LHFPL2: variants seen among roughly 807,000 people sequenced by gnomAD.
LHFPL2 encodes LHFPL tetraspan subfamily member 2 protein.
In LHFPL2, 7 loss-of-function variants were observed where a neutral mutation model predicts 17.5. That is an observed-to-expected ratio of 0.40 (90% CI 0.23 to 0.75). The LOEUF is 0.75. Ranked by LOEUF, LHFPL2 falls within the 30% of genes least tolerant of loss-of-function variation. LHFPL2 has a pLI of 0.37. For synonymous variants in LHFPL2, 134 were observed against 116.2 expected (o/e 1.15, Z -0.99); for missense variants, 241 against 294.8 (o/e 0.82, Z 1.34).
At chr5:78,559,673 C>G (rs750169181) in intron 3 of LHFPL2, among the ~76,000 whole-genome samples, 48 of 152,274 alleles carry the variant, frequency 3.2e-4, no homozygotes, top group Non-Finnish European at 4.1e-4. Context: ...CTCCCAGGAC[C>G]CTATATTTGG....
rs565572597 is a variant in LHFPL2, at chr5:78,594,774, G to C, written c.-244-29903C>G. Among the ~76,000 whole-genome samples the C allele has an allele frequency of 1.1e-4, 17 of 152,310 alleles. No individual in the cohort carries two copies. The East Asian group carries it at 3.1e-3, about 28-fold the overall frequency. On this transcript the variant is annotated intron_variant, in intron 2 of 4. Transcript: ENST00000380345. ...GCAAAAGTTGAAGGTAAAAAAACTT[G>C]ACATTTTATAATAGTCTTTGTTTGA...
intron 3 of LHFPL2, among the ~76,000 whole-genome samples, chr5:78,557,510 G>A (rs1404601516): frequency 6.6e-6 from 1 of 152,188 alleles, no homozygotes; most frequent in Non-Finnish European, 1.5e-5. Context: ...GAAGCAAGGA[G>A]GCAGAATGTG....
At chr5:78,517,650 C>T (rs980813630) in intron 3 of LHFPL2, among the ~76,000 whole-genome samples, 3 of 152,142 alleles carry the variant, frequency 2.0e-5, no homozygotes, top group African/African-American at 7.2e-5. Flanking sequence ...ACCATCAGAT[C>T]TCGTGAGACT....
intron 3 of LHFPL2, among the ~76,000 whole-genome samples, chr5:78,547,838 G>C (rs928326005): frequency 6.6e-5 from 10 of 152,248 alleles, no homozygotes; most frequent in Non-Finnish European, 1.5e-4. Flanking sequence ...AGGTACAGGG[G>C]GCCTGTTCAG....
intron 2 of LHFPL2, among the ~76,000 whole-genome samples, chr5:78,618,820 A>G (rs917410284): frequency 6.6e-6 from 1 of 152,234 alleles, no homozygotes; most frequent in African/African-American, 2.4e-5. Context: ...AGACTTGAAC[A>G]TACACATTGA....
Position 78,502,770 on chromosome 5 carries a change from C to A in LHFPL2, c.430+7014G>T, listed in dbSNP as rs1754811743. Among the ~76,000 whole-genome samples the A allele has an allele frequency of 2.0e-5, 3 of 152,164 alleles. No homozygotes were observed. In the South Asian group the frequency reaches 6.2e-4, roughly 31 times the overall value. On this transcript the variant is annotated intron_variant, in intron 4 of 4. Transcript: ENST00000380345. ...TCTTGCCTGCTGAGGTCTTTGGGTG[C>A]AGATAATGTTAAATAATTCCTACTA... is the stretch of plus-strand genomic sequence containing the variant.
chr5:78,535,972 A>G (rs1939044522), intron 3 of LHFPL2, among the ~76,000 whole-genome samples: 1 of 152,188 alleles, frequency 6.6e-6, no homozygotes, highest in Non-Finnish European at 1.5e-5. Context: ...CCATGGGGAC[A>G]TGGGAGTCAC....
At position 78,486,236 on chromosome 5, in the gene LHFPL2, A is replaced by G. The variant is rs1271220460; in HGVS notation, c.*2661T>C. The G allele has an allele frequency of 6.6e-6, 1 of 152,604 alleles. No individual in the cohort carries two copies. The highest frequency in any genetic ancestry group is 2.4e-5 in the African/African-American group (1 of 41,464). 9.5% of individuals were successfully genotyped at this position (152,604 alleles called of 1,614,324 possible). On this transcript the variant is annotated 3_prime_UTR_variant, in exon 5 of 5. Coordinates refer to ENST00000380345, the MANE Select transcript of LHFPL2 (RefSeq NM_005779.3). ...GCAACATTGTTTGAATTATTAGCAC[A>G]CAGGTTTAAAGAATCCACAGAATCC... is the stretch of plus-strand genomic sequence containing the variant.
At chr5:78,614,406 C>G (rs1453102074) in intron 2 of LHFPL2, among the ~76,000 whole-genome samples, 2 of 152,172 alleles carry the variant, frequency 1.3e-5, no homozygotes, top group East Asian at 3.9e-4. Flanking sequence ...TACAATGAGC[C>G]TCTGGGTAAA....
intron 2 of LHFPL2, among the ~76,000 whole-genome samples, chr5:78,575,271 A>G (rs1299627633): frequency 6.6e-6 from 1 of 152,244 alleles, no homozygotes. Flanking sequence ...ATGGAGGGCC[A>G]GGCACAGTGG....
intron 2 of LHFPL2, among the ~76,000 whole-genome samples, chr5:78,588,035 T>C (rs1442126299): frequency 2.0e-5 from 3 of 152,180 alleles, no homozygotes; most frequent in African/African-American, 7.2e-5. Context: ...GCCAAGAAAA[T>C]AGATGCATTG....
intron 3 of LHFPL2, among the ~76,000 whole-genome samples, chr5:78,554,677 TA>T (rs1486035934): frequency 6.6e-6 from 1 of 152,182 alleles, no homozygotes; most frequent in Admixed American, 6.5e-5. Context: ...TTTCAGCAAA[TA>T]AAACACTGCC....
At chr5:78,525,863 T>A (rs1212217601) in intron 3 of LHFPL2, among the ~76,000 whole-genome samples, 1 of 152,200 alleles carries the variant, frequency 6.6e-6, no homozygotes, top group Admixed American at 6.5e-5. Flanking sequence ...ACAGTTGTGA[T>A]GGAGCTAAGA....
At chr5:78,605,617 A>C (rs746707488) in intron 2 of LHFPL2, among the ~76,000 whole-genome samples, 7 of 152,218 alleles carry the variant, frequency 4.6e-5, no homozygotes, top group Non-Finnish European at 8.8e-5. Context: ...ATCAAAGATA[A>C]GGCAGTACCT....
intron 4 of LHFPL2, among the ~76,000 whole-genome samples, chr5:78,496,312 T>C (rs1754605173): frequency 6.6e-6 from 1 of 152,196 alleles, no homozygotes; most frequent in African/African-American, 2.4e-5. Flanking sequence ...CATTGCAACT[T>C]TGCCTTAACA....
rs945148961 is a variant in LHFPL2 at position 78,509,865 on chromosome 5, C to T, written c.349G>A (p.Val117Met). ...GIFILCMVAL[V>M]SVFTMCVQSI... ...TGTACACACATGGTGAAGACGGACACCAAGGCCACCATGCAGAGAATAAAG... is the reference window on the plus strand; with the variant it reads ...TGTACACACATGGTGAAGACGGACATCAAGGCCACCATGCAGAGAATAAAG... The change falls in exon 4 of 5, where the codon GTG becomes ATG. Residue 117 changes from valine (V) to methionine (M), a missense_variant. Coordinates refer to ENST00000380345, the MANE Select transcript of LHFPL2 (RefSeq NM_005779.3). The T allele has an allele frequency of 1.7e-5, 28 of 1,613,870 alleles. 1 individual carries two copies. The highest frequency in any genetic ancestry group is 5.9e-6 in the Non-Finnish European group (7 of 1,180,050).
chr5:78,637,082 C>G (rs969938657), intron 1 of LHFPL2, among the ~76,000 whole-genome samples: 1 of 152,062 alleles, frequency 6.6e-6, no homozygotes, highest in Non-Finnish European at 1.5e-5. Context: ...TAAGAACCAC[C>G]TAGAAGCTTT....
intron 2 of LHFPL2, among the ~76,000 whole-genome samples, chr5:78,588,896 C>G (rs1446084206): frequency 2.6e-5 from 4 of 152,150 alleles, no homozygotes; most frequent in African/African-American, 9.7e-5. Context: ...TTCATCAGCC[C>G]CTTTCAAAAT....
At chr5:78,620,983 T>C in intron 2 of LHFPL2, among the ~76,000 whole-genome samples, 1 of 151,800 alleles carries the variant, frequency 6.6e-6, no homozygotes, top group East Asian at 1.9e-4. Flanking sequence ...TTTTTTTTTT[T>C]TGGAGATGGA....
Sources: gnomAD v4.1 joint callset for allele counts (sites outside exome capture counted in the v4.1 genomes callset) on GRCh38, gnomAD v4.1.1 for gene constraint, MANE v1.5 for transcripts, NCBI Gene and HGNC (gene_info 2026-07-23, HGNC 2026-07-21) for gene names.